The following EIF2S3B variants were observed in gnomAD, a reference collection of about 807,000 sequenced individuals.
EIF2S3B encodes eukaryotic translation initiation factor 2 subunit gamma B, also known as eukaryotic translation initiation factor 2 subunit 3B.
Under a neutral mutation model 26.4 loss-of-function variants are expected in EIF2S3B, and 16 were observed. The observed-to-expected ratio is 0.61, with a 90% CI of 0.41 to 0.92. EIF2S3B has a LOEUF of 0.92. Among genes scored for constraint, EIF2S3B ranks in the 40% least tolerant of loss-of-function variants. The pLI is 0.00. For synonymous variants in EIF2S3B, 183 were observed against 204.4 expected (o/e 0.90, Z 0.89); for missense variants, 510 against 575.5 (o/e 0.89, Z 1.16).
intron 1 of EIF2S3B, among the ~76,000 whole-genome samples, chr12:10,521,323 T>G (rs763221982): frequency 6.6e-6 from 1 of 152,130 alleles, no homozygotes; most frequent in Non-Finnish European, 1.5e-5. Context: ...GAAAGGAAGT[T>G]TAAAGAAATA....
intron 1 of EIF2S3B, among the ~76,000 whole-genome samples, chr12:10,517,417 C>A (rs1261790979): frequency 6.6e-6 from 1 of 152,100 alleles, no homozygotes; most frequent in East Asian, 1.9e-4. Flanking sequence ...TTGTAGTATT[C>A]TCTGATGGTA....
intron 1 of EIF2S3B, among the ~76,000 whole-genome samples, chr12:10,515,356 TA>T (rs1222917817): frequency 2.6e-5 from 4 of 151,600 alleles, no homozygotes; most frequent in African/African-American, 7.2e-5. Context: ...GCTGATAATT[TA>T]AAAAAAAATT....
chr12:10,508,925 T>TA (rs1420261458), downstream of EIF2S3B, among the ~76,000 whole-genome samples: 3 of 152,130 alleles, frequency 2.0e-5, no homozygotes, highest in African/African-American at 4.8e-5. Context: ...AACCGTCAGA[T>TA]AAAATCTGAC....
intron 1 of EIF2S3B, among the ~76,000 whole-genome samples, chr12:10,516,090 T>A (rs1864753792): frequency 6.6e-6 from 1 of 151,918 alleles, no homozygotes; most frequent in South Asian, 2.1e-4. Context: ...TTTTGTGTAA[T>A]CACAGCTATA....
At chr12:10,520,178 C>T (rs1456157027) in intron 1 of EIF2S3B, among the ~76,000 whole-genome samples, 1 of 151,284 alleles carries the variant, frequency 6.6e-6, no homozygotes, top group African/African-American at 2.4e-5. Flanking sequence ...TACTATGCAG[C>T]CATAAAAAAT....
At chr12:10,519,495 C>T (rs1274985302) in intron 1 of EIF2S3B, among the ~76,000 whole-genome samples, 1 of 151,940 alleles carries the variant, frequency 6.6e-6, no homozygotes, top group East Asian at 1.9e-4. Flanking sequence ...CAACAAAAGC[C>T]AAAATTGACA....
Position 10,507,461 on chromosome 12 carries a change from C to T in EIF2S3B, c.*140C>T. The T allele has an allele frequency of 1.0e-6, 1 of 980,178 alleles. No individual in the cohort carries two copies. 60.7% of individuals were successfully genotyped at this position (980,178 alleles called of 1,614,324 possible). A position where few individuals can be genotyped will look rare whatever the true frequency, so the allele number is the denominator to read the frequency against. ...CTTAGTAGGTAACGGTAAGGTTATT[C>T]TCTCTTTTTTTTTTTGGTTATGAAA... On this transcript the variant is annotated 3_prime_UTR_variant, in exon 1 of 1. Coordinates refer to ENST00000538173, the MANE Select transcript of EIF2S3B (RefSeq NM_001357734.3).
intron 1 of EIF2S3B, among the ~76,000 whole-genome samples, chr12:10,520,527 T>A (rs1011048139): frequency 1.3e-5 from 2 of 151,862 alleles, no homozygotes; most frequent in Admixed American, 6.6e-5. Context: ...AAAATAAAAT[T>A]TAAGAAAAGG....
chr12:10,507,481 A>G lies in EIF2S3B; in HGVS notation c.*160A>G. On this transcript the variant is annotated 3_prime_UTR_variant, in exon 1 of 1. Coordinates refer to ENST00000538173, the MANE Select transcript of EIF2S3B (RefSeq NM_001357734.3). Reference sequence around the variant, plus strand: ...TTATTCTCTCTTTTTTTTTTTGGTTATGAAAACTTAGGGACTACAATTAGT... The same window carrying G: ...TTATTCTCTCTTTTTTTTTTTGGTTGTGAAAACTTAGGGACTACAATTAGT... 1 of 827,234 alleles carries G rather than the reference A, an allele frequency of 1.2e-6. No homozygotes were observed. Among genetic ancestry groups the G allele is most frequent in the Non-Finnish European group, 1.9e-6 (1 of 538,054 alleles). The allele number at this position is 827,234 out of a possible 1,614,324, so 51.2% of individuals were successfully genotyped here. A position where few individuals can be genotyped will look rare whatever the true frequency, so the allele number is the denominator to read the frequency against.
rs1043106340 is a variant in EIF2S3B at position 10,506,073 on chromosome 12, C to T, written c.171C>T (p.Val57=). The T allele has an allele frequency of 1.0e-5, 16 of 1,600,574 alleles. No homozygotes were observed. Among genetic ancestry groups the T allele is most frequent in the South Asian group, 7.7e-5 (7 of 90,786 alleles). ...ATGTAGCTCATGGGAAATCCACAGT[C>T]GTCAAAGCTATTTCTGGAGTTCACA... The part of the protein sequence containing the change: ...IGHVAHGKST[V]VKAISGVHTV... Residue 57 remains valine, a synonymous_variant, in exon 1 of 1, where the codon GTC becomes GTT. Transcript: ENST00000538173.
chr12:10,516,523 C>T (rs911457126), intron 1 of EIF2S3B, among the ~76,000 whole-genome samples: 3 of 152,058 alleles, frequency 2.0e-5, no homozygotes, highest in Admixed American at 6.6e-5. Flanking sequence ...CACATAAATA[C>T]ACCTCTCAAT....
At chr12:10,513,466 G>T (rs1864724877), downstream of EIF2S3B, among the ~76,000 whole-genome samples, 2 of 150,806 alleles carry the variant, frequency 1.3e-5, no homozygotes, top group African/African-American at 5.0e-5. Flanking sequence ...TGAGACAGAT[G>T]GATGGGTCCC....
At position 10,506,638 on chromosome 12, in the gene EIF2S3B, C is replaced by T. The variant is rs745464815; in HGVS notation, c.736C>T (p.Pro246Ser). Residue 246 changes from proline (P) to serine (S), a missense_variant, in exon 1 of 1, where the codon CCC becomes TCC. By Grantham distance (74) the Pro-to-Ser change is moderately conservative. Transcript: ENST00000538173. ...CEYIVKKIPV[P>S]PRDFTSEPRL... Reference sequence around the variant, plus strand: ...GTACATAGTAAAGAAAATTCCAGTACCCCCAAGAGACTTTACTTCAGAGCC... The same window carrying T: ...GTACATAGTAAAGAAAATTCCAGTATCCCCAAGAGACTTTACTTCAGAGCC... 10 of 1,612,572 alleles carry T rather than the reference C, an allele frequency of 6.2e-6. No individual in the cohort carries two copies. Among genetic ancestry groups the T allele is most frequent in the South Asian group, 3.3e-5 (3 of 91,040 alleles).
downstream of EIF2S3B, among the ~76,000 whole-genome samples, chr12:10,510,306 G>A (rs558650972): frequency 4.6e-5 from 7 of 152,244 alleles, no homozygotes; most frequent in African/African-American, 1.7e-4. Context: ...CAAATAAGAT[G>A]AGAGGAAAGC....
intron 1 of EIF2S3B, among the ~76,000 whole-genome samples, chr12:10,516,882 T>A (rs1864763571): frequency 6.6e-6 from 1 of 151,868 alleles, no homozygotes; most frequent in Non-Finnish European, 1.5e-5. Context: ...GTGGTTTTTG[T>A]CTTTGGTTCT....
downstream of EIF2S3B, among the ~76,000 whole-genome samples, chr12:10,511,455 C>G (rs940600307): frequency 5.3e-5 from 8 of 152,028 alleles, no homozygotes; most frequent in Admixed American, 5.2e-4. Context: ...CCGCACCTGG[C>G]ATTTACTGAA....
chr12:10,511,195 G>GT (rs138929538), downstream of EIF2S3B, among the ~76,000 whole-genome samples: 4,761 of 148,418 alleles, frequency 0.032, 218 homozygotes, highest in African/African-American at 0.11. Context: ...TAGAAAGAAG[G>GT]TTTTTTTTTT....
At chr12:10,516,635 T>G (rs1480526583) in intron 1 of EIF2S3B, among the ~76,000 whole-genome samples, 1 of 151,802 alleles carries the variant, frequency 6.6e-6, no homozygotes, top group Non-Finnish European at 1.5e-5. Flanking sequence ...TGGCCAGAAC[T>G]TCCAACACTA....
intron 1 of EIF2S3B, among the ~76,000 whole-genome samples, chr12:10,520,361 G>T (rs1284611593): frequency 3.1e-5 from 4 of 129,286 alleles, no homozygotes; most frequent in Non-Finnish European, 4.9e-5. Context: ...GGACTGTTGT[G>T]GGGTGGGGGG....
Sources: allele counts gnomAD v4.1 joint callset (sites outside exome capture counted in the v4.1 genomes callset), GRCh38; gene constraint gnomAD v4.1.1; transcripts MANE v1.5; gene names NCBI Gene and HGNC (gene_info 2026-07-23, HGNC 2026-07-21).